The following SCFD2 variants were observed in gnomAD, a reference collection of about 807,000 sequenced individuals.
SCFD2 encodes sec1 family domain-containing protein 2.
SCFD2 carries 54 observed loss-of-function variants against 58.9 expected under a neutral mutation model. The ratio of observed to expected loss-of-function variants is 0.92; its 90% CI spans 0.74 to 1.15. The LOEUF is 1.15. Among genes scored for constraint, SCFD2 ranks in the 50% most tolerant of loss-of-function variants. SCFD2 has a pLI of 0.00. For missense variants in SCFD2, 805 were observed against 836.6 expected (o/e 0.96, Z 0.47); for synonymous variants, 321 against 335.9 (o/e 0.96, Z 0.49).
At chr4:53,357,355 A>G (rs1307972708) in intron 1 of SCFD2, among the ~76,000 whole-genome samples, 2 of 152,050 alleles carry the variant, frequency 1.3e-5, no homozygotes, top group African/African-American at 4.8e-5. Context: ...CTTGAATCCA[A>G]GAGGCGGAGG....
intron 5 of SCFD2, among the ~76,000 whole-genome samples, chr4:53,040,142 ACTT>A (rs1722860030): frequency 6.6e-6 from 1 of 151,950 alleles, no homozygotes; most frequent in African/African-American, 2.4e-5. Context: ...CTACTTATAA[ACTT>A]CTTTTTGAGT....
Position 52,873,885 on chromosome 4 carries a change from G to T in SCFD2, c.*84C>A, listed in dbSNP as rs1487762663. 5 of 926,064 alleles carry T rather than the reference G, an allele frequency of 5.4e-6. No individual in the cohort carries two copies. In the Admixed American group the frequency reaches 8.8e-5, roughly 16 times the overall value. The allele number at this position is 926,064 out of a possible 1,614,324, so 57.4% of individuals were successfully genotyped here. On this transcript the variant is annotated 3_prime_UTR_variant, in exon 9 of 9. Coordinates refer to ENST00000401642, the MANE Select transcript of SCFD2 (RefSeq NM_152540.4). The stretch of plus-strand genomic sequence containing the variant: ...TCTCGCAATTAGTGACAGGGACGCT[G>T]GTTGTGGAGGAGTATTTGGAGTGGT...
chr4:52,948,999 A>G (rs1720516051), intron 5 of SCFD2: 1 of 154,140 alleles, frequency 6.5e-6, no homozygotes, highest in Admixed American at 6.5e-5. Flanking sequence ...CTGGAGGAGA[A>G]GCATAGGACA....
At chr4:53,269,446 T>C (rs1487672114) in intron 4 of SCFD2, among the ~76,000 whole-genome samples, 8 of 152,304 alleles carry the variant, frequency 5.3e-5, no homozygotes, top group African/African-American at 1.9e-4. Context: ...AAATTCACAA[T>C]CATTGTGAGT....
intron 4 of SCFD2, among the ~76,000 whole-genome samples, chr4:53,236,324 C>T (rs1255251510): frequency 1.3e-5 from 2 of 151,960 alleles, no homozygotes; most frequent in East Asian, 1.9e-4. Flanking sequence ...CTTACAAGGT[C>T]TCCACTATTG....
intron 5 of SCFD2, among the ~76,000 whole-genome samples, chr4:53,066,398 C>T (rs1299162451): frequency 6.6e-6 from 1 of 152,052 alleles, no homozygotes; most frequent in Admixed American, 6.6e-5. Context: ...TGACAGTAGC[C>T]ACTTAGCAAT....
chr4:52,942,240 T>C (rs1410960891), intron 5 of SCFD2, among the ~76,000 whole-genome samples: 3 of 152,176 alleles, frequency 2.0e-5, no homozygotes, highest in Non-Finnish European at 2.9e-5. Flanking sequence ...TACAGAATAT[T>C]TGGCAAAAGA....
chr4:52,942,368 A>G (rs1302140239), intron 5 of SCFD2, among the ~76,000 whole-genome samples: 1 of 152,174 alleles, frequency 6.6e-6, no homozygotes, highest in Non-Finnish European at 1.5e-5. Flanking sequence ...TCCAGCACCA[A>G]TGTCATGCTA....
rs1718397547 is a variant in SCFD2, at chr4:52,873,517, C to G, written c.*452G>C. On this transcript the variant is annotated 3_prime_UTR_variant, in exon 9 of 9. Transcript: ENST00000401642. ...TCAGACCCTATTTGCAATGTTCCCT[C>G]CTCAGTTATATAATCCTAAGGAACA... The G allele has an allele frequency of 6.5e-6, 1 of 154,912 alleles. No homozygotes were observed. Among genetic ancestry groups the G allele is most frequent in the African/African-American group, 2.4e-5 (1 of 41,454 alleles). 9.6% of individuals were successfully genotyped at this position (154,912 alleles called of 1,614,324 possible).
intron 4 of SCFD2, among the ~76,000 whole-genome samples, chr4:53,213,362 T>C (rs558789102): frequency 6.6e-6 from 1 of 152,084 alleles, no homozygotes; most frequent in Non-Finnish European, 1.5e-5. Flanking sequence ...TTCTTTGTAA[T>C]AGAGTAGAAA....
At chr4:53,299,390 A>G (rs918619229) in intron 3 of SCFD2, among the ~76,000 whole-genome samples, 5 of 152,242 alleles carry the variant, frequency 3.3e-5, no homozygotes, top group Non-Finnish European at 7.3e-5. Flanking sequence ...AGAGAAGTTT[A>G]GAGAAAAAAG....
intron 3 of SCFD2, among the ~76,000 whole-genome samples, chr4:53,292,518 G>A (rs1211571430): frequency 6.6e-6 from 1 of 152,068 alleles, no homozygotes; most frequent in East Asian, 1.9e-4. Context: ...TCTCATGCCA[G>A]CAGAATGGCA....
chr4:53,112,581 C>A (rs1725203831), intron 5 of SCFD2, among the ~76,000 whole-genome samples: 1 of 152,058 alleles, frequency 6.6e-6, no homozygotes, highest in Admixed American at 6.6e-5. Context: ...CTTCTCAAAA[C>A]ATTTGAGTGA....
chr4:53,054,935 T>C (rs1723282458), intron 5 of SCFD2, among the ~76,000 whole-genome samples: 2 of 152,152 alleles, frequency 1.3e-5, no homozygotes, highest in Non-Finnish European at 2.9e-5. Flanking sequence ...ATTACAGGTG[T>C]GAGCCATTGT....
intron 4 of SCFD2, among the ~76,000 whole-genome samples, chr4:53,209,919 T>A (rs189848642): frequency 2.4e-4 from 37 of 152,218 alleles, no homozygotes; most frequent in Admixed American, 1.3e-3. Context: ...TAAATAGATA[T>A]TTTACACATT....
chr4:52,889,712 A>G (rs886430632), intron 7 of SCFD2, among the ~76,000 whole-genome samples: 1 of 152,216 alleles, frequency 6.6e-6, no homozygotes, highest in African/African-American at 2.4e-5. Context: ...AAGTAAACAA[A>G]CCAGTGTAAC....
At chr4:53,095,842 G>C (rs1399647547) in intron 5 of SCFD2, among the ~76,000 whole-genome samples, 2 of 151,152 alleles carry the variant, frequency 1.3e-5, no homozygotes, top group African/African-American at 4.9e-5. Flanking sequence ...TTTACATTAG[G>C]TATATATCCT....
intron 2 of SCFD2, among the ~76,000 whole-genome samples, chr4:53,346,982 G>A (rs1442952756): frequency 6.6e-6 from 1 of 152,118 alleles, no homozygotes; most frequent in African/African-American, 2.4e-5. Context: ...GATATTTGTA[G>A]TAAGACATCT....
At chr4:53,153,458 G>A (rs1726573246) in intron 4 of SCFD2, among the ~76,000 whole-genome samples, 2 of 152,196 alleles carry the variant, frequency 1.3e-5, no homozygotes, top group South Asian at 2.1e-4. Context: ...AGGATCCTGG[G>A]AGCAGTGTCC....
Sources: allele counts gnomAD v4.1 joint callset (sites outside exome capture counted in the v4.1 genomes callset), GRCh38; gene constraint gnomAD v4.1.1; transcripts MANE v1.5; gene names NCBI Gene and HGNC (gene_info 2026-07-23, HGNC 2026-07-21).